Variants in ADAM22 observed in about 807,000 individuals in gnomAD.
The protein encoded by ADAM22 is ADAM metallopeptidase domain 22.
ADAM22 carries 65 observed loss-of-function variants against 144.6 expected under a neutral mutation model. That is an observed-to-expected ratio of 0.45 (90% CI 0.37 to 0.55). The LOEUF (loss-of-function observed/expected upper bound fraction) is 0.55. Ranked by LOEUF, ADAM22 falls within the 20% of genes least tolerant of loss-of-function variation. The pLI is 0.00. For synonymous variants in ADAM22, 391 were observed against 412.6 expected, an observed-to-expected ratio of 0.95 and a Z score of 0.63; for missense variants, 974 against 1,184.9, an observed-to-expected ratio of 0.82 and a Z score of 2.61.
intron 7 of ADAM22, among the ~76,000 whole-genome samples, chr7:88,120,679 C>G (rs1185842882): frequency 6.6e-6 from 1 of 152,120 alleles, no homozygotes; most frequent in East Asian, 1.9e-4. Context: ...AGATAGAAGG[C>G]CTTTGCCAAA....
chr7:88,111,937 A>G (rs891446126), intron 5 of ADAM22, among the ~76,000 whole-genome samples: 2 of 152,184 alleles, frequency 1.3e-5, no homozygotes, highest in African/African-American at 4.8e-5. Context: ...TGACTTTCTC[A>G]TTGGACATTA....
chr7:88,188,029 A>G (rs2129539758), intron 30 of ADAM22, among the ~76,000 whole-genome samples: 1 of 151,950 alleles, frequency 6.6e-6, no homozygotes, highest in South Asian at 2.1e-4. Context: ...AGCTCCCAAG[A>G]TGGCCAACAT....
intron 3 of ADAM22, among the ~76,000 whole-genome samples, chr7:88,067,849 A>T (rs1035791600): frequency 6.6e-6 from 1 of 152,188 alleles, no homozygotes; most frequent in Non-Finnish European, 1.5e-5. Flanking sequence ...ACCTTTAGAC[A>T]CAGGGGTACA....
At position 88,200,218 on chromosome 7, in the gene ADAM22, T is replaced by C. The variant is rs1463763309; in HGVS notation, c.*3727T>C. On this transcript the variant is annotated 3_prime_UTR_variant, in exon 32 of 32. Transcript: ENST00000413139. ...ATTCATTTTATCCATTCATTTCCTATTGTCGTATAGTTCTAACCATATATA... is the reference window on the plus strand; with the variant it reads ...ATTCATTTTATCCATTCATTTCCTACTGTCGTATAGTTCTAACCATATATA... 6.6e-6 allele frequency: 1 copy of C among 152,234 alleles called. No homozygotes were observed. Among genetic ancestry groups the C allele is most frequent in the Non-Finnish European group, 1.5e-5 (1 of 68,036 alleles). 9.4% of individuals were successfully genotyped at this position (152,234 alleles called of 1,614,324 possible).
intron 3 of ADAM22, among the ~76,000 whole-genome samples, chr7:87,996,865 C>T (rs1412457912): frequency 2.0e-5 from 3 of 152,178 alleles, no homozygotes; most frequent in Non-Finnish European, 4.4e-5. Context: ...TAGATTTATC[C>T]ACTTGTAAAA....
intron 3 of ADAM22, among the ~76,000 whole-genome samples, chr7:88,033,691 C>T (rs1800829309): frequency 6.6e-6 from 1 of 152,182 alleles, no homozygotes; most frequent in Non-Finnish European, 1.5e-5. Context: ...GAGATCAGGA[C>T]CTGGAGTCAG....
intron 3 of ADAM22, among the ~76,000 whole-genome samples, chr7:88,003,605 A>G (rs1793093128): frequency 6.6e-6 from 1 of 152,242 alleles, no homozygotes; most frequent in Non-Finnish European, 1.5e-5. Flanking sequence ...GCTATTTCAA[A>G]TTTGGGAAGC....
At chr7:88,185,398 C>T (rs10254688) in intron 29 of ADAM22, among the ~76,000 whole-genome samples, 50 of 152,178 alleles carry the variant, frequency 3.3e-4, no homozygotes, top group Admixed American at 1.4e-3. Context: ...ATGTAGTCTT[C>T]CATGTTTATG....
In ADAM22 at chr7:88,032,637, A is replaced by T. The variant is rs140302692; in HGVS notation, c.324-42989A>T. Among the ~76,000 whole-genome samples the T allele has an allele frequency of 2.0e-4, 30 of 152,278 alleles. No individual in the cohort carries two copies. In the East Asian group the frequency reaches 5.0e-3, roughly 25 times the overall value. ...TTTTGAAATGTGAAAAGGACATGAG[A>T]TTCGGTGGGGGAGGCAGGGGCAGAA... On this transcript the variant is annotated intron_variant, in intron 3 of 31. Coordinates refer to ENST00000413139, the MANE Select transcript of ADAM22 (RefSeq NM_001324418.2).
intron 3 of ADAM22, among the ~76,000 whole-genome samples, chr7:88,063,188 A>T (rs912254935): frequency 6.6e-6 from 1 of 152,224 alleles, no homozygotes; most frequent in African/African-American, 2.4e-5. Flanking sequence ...AGTATCTGTG[A>T]AGCACAATAA....
At chr7:87,939,640 G>C (rs1203687687) in intron 2 of ADAM22, among the ~76,000 whole-genome samples, 1 of 152,116 alleles carries the variant, frequency 6.6e-6, no homozygotes, top group Non-Finnish European at 1.5e-5. Context: ...TTACAACAAT[G>C]CTGGGCATAG....
chr7:88,035,412 G>A (rs551814779), intron 3 of ADAM22, among the ~76,000 whole-genome samples: 1 of 152,210 alleles, frequency 6.6e-6, no homozygotes, highest in Non-Finnish European at 1.5e-5. Context: ...CCCAAGGGAA[G>A]GGGTGGGGAT....
intron 23 of ADAM22, among the ~76,000 whole-genome samples, chr7:88,163,976 TTGTAAG>T (rs1304053282): frequency 2.0e-5 from 3 of 152,122 alleles, no homozygotes; most frequent in African/African-American, 7.2e-5. Context: ...TGTTTTGGAA[TTGTAAG>T]CCTTCATTCC....
intron 31 of ADAM22, among the ~76,000 whole-genome samples, chr7:88,195,797 G>T (rs563348569): frequency 6.6e-6 from 1 of 152,270 alleles, no homozygotes; most frequent in Admixed American, 6.5e-5. Flanking sequence ...GATTACAGGC[G>T]TGAGCCACCA....
chr7:88,013,536 C>T lies in ADAM22; in HGVS notation c.323+35124C>T, dbSNP rs149659009. 3.9e-3 allele frequency among the ~76,000 whole-genome samples: 595 copies of T among 152,214 alleles called. 4 individuals carry two copies. The highest frequency in any genetic ancestry group is 0.014 in the African/African-American group (564 of 41,542). Reference sequence around the variant, plus strand: ...AAGTCCTGGGCTCAAGGGATCTTCCCGCATCAGCCTCCTGAGTAGCTAGGA... The same window carrying T: ...AAGTCCTGGGCTCAAGGGATCTTCCTGCATCAGCCTCCTGAGTAGCTAGGA... On this transcript the variant is annotated intron_variant, in intron 3 of 31. Transcript: ENST00000413139.
At chr7:88,028,260 T>C (rs1262225552) in intron 3 of ADAM22, among the ~76,000 whole-genome samples, 2 of 152,228 alleles carry the variant, frequency 1.3e-5, no homozygotes, top group African/African-American at 4.8e-5. Flanking sequence ...AGGAGCATGT[T>C]GTTTAATTTC....
chr7:88,189,817 G>A (rs1050278743), intron 30 of ADAM22, among the ~76,000 whole-genome samples: 6 of 152,030 alleles, frequency 3.9e-5, no homozygotes, highest in Non-Finnish European at 7.4e-5. Flanking sequence ...GGTGGTGTGC[G>A]CTTGTAATCC....
chr7:88,007,872 T>C (rs1175652051), intron 3 of ADAM22, among the ~76,000 whole-genome samples: 13 of 152,256 alleles, frequency 8.5e-5, no homozygotes, highest in South Asian at 4.1e-4. Context: ...CCAGAAGCAA[T>C]GGCAACAAAA....
intron 10 of ADAM22, 31 bp downstream of exon 10, chr7:88,130,490 A>G (rs369237916): frequency 6.3e-7 from 1 of 1,580,314 alleles, no homozygotes; most frequent in East Asian, 2.2e-5. Context: ...TTATTGCCCT[A>G]GAAGATTCTT....
Sources: allele counts gnomAD v4.1 joint callset (sites outside exome capture counted in the v4.1 genomes callset), GRCh38; gene constraint gnomAD v4.1.1; transcripts MANE v1.5; gene names NCBI Gene and HGNC (gene_info 2026-07-23, HGNC 2026-07-21).